The following PRELID2 variants were observed in gnomAD, a reference collection of about 807,000 sequenced individuals.
PRELID2 encodes the protein PRELI domain-containing protein 2.
Under a neutral mutation model 28.4 loss-of-function variants are expected in PRELID2, and 25 were observed. The observed-to-expected ratio is 0.88, with a 90% CI of 0.64 to 1.23. PRELID2 has a LOEUF of 1.23. PRELID2 is among the 50% of genes most tolerant of loss of function. PRELID2 has a pLI of 0.00. For missense variants in PRELID2, 201 were observed against 214.4 expected (o/e 0.94, Z 0.39); for synonymous variants, 76 against 71.6 (o/e 1.06, Z -0.31).
At chr5:145,832,023 A>C (rs1755623448) in intron 1 of PRELID2, among the ~76,000 whole-genome samples, 1 of 152,234 alleles carries the variant, frequency 6.6e-6, no homozygotes, top group African/African-American at 2.4e-5. Flanking sequence ...GTGGTTTGTT[A>C]CATACCAATA....
the PRELID2 span, among the ~76,000 whole-genome samples, chr5:145,421,171 C>G: frequency 3.3e-5 from 5 of 151,574 alleles, no homozygotes; most frequent in African/African-American, 1.2e-4. Context: ...CAATGTTCAT[C>G]AAGGATATTG....
intron 1 of PRELID2, among the ~76,000 whole-genome samples, chr5:145,741,242 A>T (rs1756717530): frequency 8.9e-6 from 1 of 112,800 alleles, no homozygotes; most frequent in South Asian, 2.8e-4. Flanking sequence ...TATAATATAA[A>T]TATATAATAT....
the PRELID2 span, among the ~76,000 whole-genome samples, chr5:145,373,307 TATATATTACAACATATATAATATACGA>T: frequency 0.013 from 1,412 of 107,116 alleles, 281 homozygotes; most frequent in Non-Finnish European, 0.018. Flanking sequence ...TAATATACGA[TATATATTACAACATATATAATATACGA>T]TATATATTAC....
chr5:145,395,181 T>C, the PRELID2 span, among the ~76,000 whole-genome samples: 1 of 152,052 alleles, frequency 6.6e-6, no homozygotes, highest in Non-Finnish European at 1.5e-5. Flanking sequence ...AATTTATAGC[T>C]AGAAACAGAA....
In PRELID2 at chr5:145,758,861, A is replaced by AT. The variant is rs752309711; in HGVS notation, c.*1674dup. On this transcript the variant is annotated 3_prime_UTR_variant, in exon 7 of 7. Coordinates refer to ENST00000683046, the MANE Select transcript of PRELID2 (RefSeq NM_205846.3). ...AGGCAGCACAAAGAGCTCAGATACA[A>AT]TAAGAACAGGCTCACAGTGGCAGGC... is the stretch of plus-strand genomic sequence containing the variant. Among the ~76,000 whole-genome samples, 80 of 152,262 alleles carry AT rather than the reference A, an allele frequency of 5.3e-4. No homozygotes were observed. In the East Asian group the frequency reaches 8.9e-3, roughly 17 times the overall value.
chr5:145,475,091 A>T (rs1383166994), intron 1 of PRELID2, among the ~76,000 whole-genome samples: 1 of 152,224 alleles, frequency 6.6e-6, no homozygotes, highest in African/African-American at 2.4e-5. Flanking sequence ...GATAAGACAC[A>T]TGAGGACAGG....
the PRELID2 span, among the ~76,000 whole-genome samples, chr5:145,323,713 C>A: frequency 6.6e-6 from 1 of 152,130 alleles, no homozygotes; most frequent in Non-Finnish European, 1.5e-5. Flanking sequence ...GAACCTATGG[C>A]ATTTTATTTT....
intron 1 of PRELID2, among the ~76,000 whole-genome samples, chr5:145,669,077 C>G (rs1466655437): frequency 6.6e-6 from 1 of 152,092 alleles, no homozygotes; most frequent in East Asian, 1.9e-4. Context: ...GTCTTCTGGA[C>G]TCAGAATATG....
At chr5:145,785,013 T>A (rs972848722) in intron 5 of PRELID2, among the ~76,000 whole-genome samples, 1 of 152,100 alleles carries the variant, frequency 6.6e-6, no homozygotes, top group Non-Finnish European at 1.5e-5. Flanking sequence ...TACCACAAAC[T>A]TGCCCTGTAC....
chr5:145,642,824 G>A (rs890715524), intron 1 of PRELID2, among the ~76,000 whole-genome samples: 12 of 152,176 alleles, frequency 7.9e-5, no homozygotes, highest in African/African-American at 2.9e-4. Context: ...TCAGATGTTT[G>A]TAGATGTGTG....
intron 1 of PRELID2, among the ~76,000 whole-genome samples, chr5:145,627,910 A>G (rs1436608427): frequency 6.6e-6 from 1 of 152,240 alleles, no homozygotes; most frequent in East Asian, 1.9e-4. Flanking sequence ...ATAGCTAGCT[A>G]AATATAAATA....
the PRELID2 span, among the ~76,000 whole-genome samples, chr5:145,259,461 C>T: frequency 6.6e-6 from 1 of 152,192 alleles, no homozygotes; most frequent in Non-Finnish European, 1.5e-5. Context: ...TTTGGAAACC[C>T]ACCCTTTGCA....
At chr5:145,393,095 T>C in the PRELID2 span, among the ~76,000 whole-genome samples, 3 of 152,308 alleles carry the variant, frequency 2.0e-5, no homozygotes, top group South Asian at 6.2e-4. Context: ...GTGAGATTAA[T>C]GTGTAGTGTT....
intron 5 of PRELID2, among the ~76,000 whole-genome samples, chr5:145,790,020 A>G (rs1271886513): frequency 6.6e-6 from 1 of 152,250 alleles, no homozygotes; most frequent in East Asian, 1.9e-4. Context: ...AATGAGGAGA[A>G]AAGGATGCCC....
At chr5:145,364,230 G>A in the PRELID2 span, among the ~76,000 whole-genome samples, 2 of 151,892 alleles carry the variant, frequency 1.3e-5, no homozygotes, top group African/African-American at 4.8e-5. Context: ...TATCCAAATT[G>A]AAATGCTTTC....
chr5:145,705,929 CAT>C (rs1387484231), intron 1 of PRELID2, among the ~76,000 whole-genome samples: 1 of 141,370 alleles, frequency 7.1e-6, no homozygotes, highest in African/African-American at 2.9e-5. Context: ...CCCATGCACA[CAT>C]GTGCGCCTAC....
intron 1 of PRELID2, among the ~76,000 whole-genome samples, chr5:145,508,604 G>C (rs13176856): frequency 6.6e-6 from 1 of 151,886 alleles, no homozygotes; most frequent in African/African-American, 2.4e-5. Context: ...CATTGTGTCT[G>C]TCCCTACAGG....
At chr5:145,716,865 T>C (rs1183896454) in intron 1 of PRELID2, among the ~76,000 whole-genome samples, 1 of 152,156 alleles carries the variant, frequency 6.6e-6, no homozygotes, top group Non-Finnish European at 1.5e-5. Context: ...CCTATTATTA[T>C]TTCCATTTTG....
intron 5 of PRELID2, among the ~76,000 whole-genome samples, chr5:145,779,003 G>A (rs1758596755): frequency 6.6e-6 from 1 of 152,192 alleles, no homozygotes; most frequent in Admixed American, 6.5e-5. Context: ...CTGGGGCATA[G>A]AAAGTACTCA....
Sources: allele counts gnomAD v4.1 joint callset (sites outside exome capture counted in the v4.1 genomes callset), GRCh38; gene constraint gnomAD v4.1.1; transcripts MANE v1.5; gene names NCBI Gene and HGNC (gene_info 2026-07-23, HGNC 2026-07-21).